Variants in MAN1A1 observed in about 807,000 individuals in gnomAD.
MAN1A1 encodes mannosyl-oligosaccharide 1,2-alpha-mannosidase IA.
A neutral mutation model predicts 70.8 loss-of-function variants in MAN1A1; 29 were observed. The ratio of observed to expected loss-of-function variants is 0.41; its 90% CI spans 0.31 to 0.56. MAN1A1 has a LOEUF of 0.56. MAN1A1 is among the 20% of genes least tolerant of loss of function. The pLI is 0.29. For synonymous variants in MAN1A1, 349 were observed against 330.1 expected, an observed-to-expected ratio of 1.06 and a Z score of -0.62; for missense variants, 747 against 841.3, an observed-to-expected ratio of 0.89 and a Z score of 1.39.
intron 9 of MAN1A1, among the ~76,000 whole-genome samples, chr6:119,190,238 A>G (rs1218364953): frequency 6.6e-6 from 1 of 152,208 alleles, no homozygotes; most frequent in Non-Finnish European, 1.5e-5. Context: ...TAAGTGGTGA[A>G]ATAACACAGC....
intron 5 of MAN1A1, among the ~76,000 whole-genome samples, chr6:119,258,822 C>A (rs567060771): frequency 6.6e-6 from 1 of 152,208 alleles, no homozygotes; most frequent in East Asian, 1.9e-4. Context: ...TCAGCATCAC[C>A]ATCATATGCA....
chr6:119,301,141 C>G (rs1772379439), intron 4 of MAN1A1, among the ~76,000 whole-genome samples: 1 of 152,186 alleles, frequency 6.6e-6, no homozygotes, highest in South Asian at 2.1e-4. Flanking sequence ...ACCCGAAAGA[C>G]AAGAGACTTT....
At chr6:119,347,374 T>C (rs1773759071) in intron 2 of MAN1A1, among the ~76,000 whole-genome samples, 2 of 152,230 alleles carry the variant, frequency 1.3e-5, no homozygotes, top group Admixed American at 1.3e-4. Flanking sequence ...ACAATATTTA[T>C]TTTCACAGAT....
At chr6:119,334,969 T>TGATG (rs796204968) in intron 2 of MAN1A1, among the ~76,000 whole-genome samples, 119 of 152,332 alleles carry the variant, frequency 7.8e-4, no homozygotes, top group African/African-American at 2.8e-3. Flanking sequence ...AACTGGACAC[T>TGATG]GATGAATGAA....
At chr6:119,288,970 T>C (rs1776456116) in intron 5 of MAN1A1, among the ~76,000 whole-genome samples, 3 of 151,800 alleles carry the variant, frequency 2.0e-5, no homozygotes, top group Non-Finnish European at 4.4e-5. Context: ...ATTTGTTTAC[T>C]AAAGTTCACT....
At chr6:119,336,046 G>C (rs1039222458) in intron 2 of MAN1A1, among the ~76,000 whole-genome samples, 3 of 152,084 alleles carry the variant, frequency 2.0e-5, no homozygotes, top group Admixed American at 1.3e-4. Flanking sequence ...TACTGAATCA[G>C]AAACTCCAGG....
Position 119,214,027 on chromosome 6 carries a change from C to T in MAN1A1, c.993-9145G>A, listed in dbSNP as rs140724822. Among the ~76,000 whole-genome samples, 1,216 of 152,010 alleles carry T rather than the reference C, an allele frequency of 8.0e-3. 18 individuals are homozygous for T. Among genetic ancestry groups the T allele is most frequent in the African/African-American group, 0.028 (1,157 of 41,466 alleles). ...TCAGCCAGGCTGGAGTGCAGTGGCA[C>T]GATCTTGGCTCACTGCAACCTCCGC... On this transcript the variant is annotated intron_variant, in intron 6 of 12. Transcript: ENST00000368468.
At chr6:119,249,246 G>T (rs1775253603) in intron 5 of MAN1A1, among the ~76,000 whole-genome samples, 1 of 152,156 alleles carries the variant, frequency 6.6e-6, no homozygotes. Context: ...GGTAAATGAG[G>T]TCAGGCATCC....
At chr6:119,257,635 C>G (rs904480136) in intron 5 of MAN1A1, among the ~76,000 whole-genome samples, 2 of 152,046 alleles carry the variant, frequency 1.3e-5, no homozygotes, top group Non-Finnish European at 2.9e-5. Context: ...AAATAAGTAG[C>G]GGGCTGGGAG....
intron 6 of MAN1A1, among the ~76,000 whole-genome samples, chr6:119,222,974 C>G (rs1774405549): frequency 6.6e-6 from 1 of 152,076 alleles, no homozygotes; most frequent in East Asian, 1.9e-4. Flanking sequence ...TGTGAATATA[C>G]TCAAAACTAC....
rs768519279 is a variant in MAN1A1, at chr6:119,348,451, C to A, written c.603+12G>T. The A allele has an allele frequency of 6.4e-7, 1 of 1,569,222 alleles. No individual in the cohort carries two copies. On this transcript the variant is annotated intron_variant, in intron 2 of 12. Transcript: ENST00000368468. ...GGCCGGTCGGGAGGGATTTCTGGCG[C>A]GGCCCACTCACCTCTTTGATCTTTG...
chr6:119,239,332 A>T (rs569938512), intron 6 of MAN1A1, among the ~76,000 whole-genome samples: 2 of 152,344 alleles, frequency 1.3e-5, no homozygotes, highest in Admixed American at 6.5e-5. Context: ...GTAAATTACA[A>T]TTAATTCTCA....
intron 3 of MAN1A1, among the ~76,000 whole-genome samples, chr6:119,305,636 T>C (rs1203575774): frequency 6.6e-6 from 1 of 152,160 alleles, no homozygotes; most frequent in Non-Finnish European, 1.5e-5. Context: ...CTACCTGTTC[T>C]TGCAAACCCT....
At chr6:119,343,207 T>C (rs1480208983) in intron 2 of MAN1A1, among the ~76,000 whole-genome samples, 1 of 152,188 alleles carries the variant, frequency 6.6e-6, no homozygotes, top group Non-Finnish European at 1.5e-5. Context: ...TTGTATGTTT[T>C]CTGTACTCTC....
intron 6 of MAN1A1, among the ~76,000 whole-genome samples, chr6:119,221,498 G>A (rs1288384571): frequency 7.2e-6 from 1 of 138,384 alleles, no homozygotes; most frequent in Non-Finnish European, 1.5e-5. Flanking sequence ...TCGAGACAGA[G>A]TCTCATTTCT....
intron 2 of MAN1A1, among the ~76,000 whole-genome samples, chr6:119,347,986 A>T (rs1773779908): frequency 6.6e-6 from 1 of 152,232 alleles, no homozygotes; most frequent in Admixed American, 6.5e-5. Context: ...TTATAGTCTG[A>T]AAGTACACAC....
chr6:119,293,526 G>A (rs542070119), intron 4 of MAN1A1, among the ~76,000 whole-genome samples: 1 of 152,042 alleles, frequency 6.6e-6, no homozygotes, highest in African/African-American at 2.4e-5. Context: ...ATCTTGCTCT[G>A]GAACATCACA....
At chr6:119,187,633 T>C (rs1387463559) in intron 11 of MAN1A1, among the ~76,000 whole-genome samples, 1 of 152,238 alleles carries the variant, frequency 6.6e-6, no homozygotes, top group East Asian at 1.9e-4. Context: ...ATAGCTAACT[T>C]TCTAACAAAG....
At chr6:119,282,173 C>T (rs1776240790) in intron 5 of MAN1A1, among the ~76,000 whole-genome samples, 1 of 152,204 alleles carries the variant, frequency 6.6e-6, no homozygotes, top group African/African-American at 2.4e-5. Flanking sequence ...GCTAGGCCAG[C>T]TTCTACCATT....
Sources: gnomAD v4.1 joint callset for allele counts (sites outside exome capture counted in the v4.1 genomes callset) on GRCh38, gnomAD v4.1.1 for gene constraint, MANE v1.5 for transcripts, NCBI Gene and HGNC (gene_info 2026-07-23, HGNC 2026-07-21) for gene names.